KIAA1217: variants seen among roughly 807,000 people sequenced by gnomAD.
KIAA1217 encodes KIAA1217.
Under a neutral mutation model 163.9 loss-of-function variants are expected in KIAA1217, and 88 were observed. The ratio of observed to expected loss-of-function variants is 0.54; its 90% CI spans 0.45 to 0.64. The LOEUF (loss-of-function observed/expected upper bound fraction) is 0.64. Ranked by LOEUF, KIAA1217 falls within the 30% of genes least tolerant of loss-of-function variation. The pLI is 0.00. For synonymous variants in KIAA1217, 903 were observed against 923.1 expected, an observed-to-expected ratio of 0.98 and a Z score of 0.39; for missense variants, 2,372 against 2,475.0, an observed-to-expected ratio of 0.96 and a Z score of 0.88.
chr10:24,436,121 A>G (rs1000268792), intron 4 of KIAA1217, among the ~76,000 whole-genome samples: 30 of 152,208 alleles, frequency 2.0e-4, no homozygotes, highest in African/African-American at 7.0e-4. Flanking sequence ...TCGGCCTCCC[A>G]AAGTGCTGGG....
chr10:24,502,936 G>A (rs1185050032), intron 9 of KIAA1217, among the ~76,000 whole-genome samples: 3 of 152,244 alleles, frequency 2.0e-5, no homozygotes, highest in South Asian at 2.1e-4. Flanking sequence ...GCATGAGCCA[G>A]GATAGCACCA....
chr10:23,960,221 C>T (rs747528532), intron 1 of KIAA1217, among the ~76,000 whole-genome samples: 1 of 148,352 alleles, frequency 6.7e-6, no homozygotes, highest in Non-Finnish European at 1.5e-5. Flanking sequence ...GGCCAGAATT[C>T]TTTTATAGCT....
At chr10:24,175,991 G>C (rs1441730898) in intron 2 of KIAA1217, among the ~76,000 whole-genome samples, 2 of 152,178 alleles carry the variant, frequency 1.3e-5, no homozygotes, top group Non-Finnish European at 2.9e-5. Flanking sequence ...TCCACACTGT[G>C]GAAGGGGACC....
rs71397948 is a variant in KIAA1217 at position 24,415,110 on chromosome 10, CTTT to C, written c.554-17866_554-17864del. Among the ~76,000 whole-genome samples, 50 of 120,236 alleles carry C rather than the reference CTTT, an allele frequency of 4.2e-4. No homozygotes were observed. In the South Asian group the frequency reaches 9.0e-3, roughly 22 times the overall value. The allele number at this position is 120,236 out of a possible 152,430, so 78.9% of individuals were successfully genotyped here. A position where few individuals can be genotyped will look rare whatever the true frequency, so the allele number is the denominator to read the frequency against. ...AGCAGCATGGTAGCCTGATCTCTCT[CTTT>C]TTTTTTTTTTTTTTTTTTGAGATAG... On this transcript the variant is annotated intron_variant, in intron 3 of 20. Coordinates refer to ENST00000376454, the MANE Select transcript of KIAA1217 (RefSeq NM_019590.5).
At chr10:24,424,728 G>A (rs1169034262) in intron 3 of KIAA1217, among the ~76,000 whole-genome samples, 6 of 152,062 alleles carry the variant, frequency 3.9e-5, no homozygotes, top group Non-Finnish European at 5.9e-5. Context: ...TCAGCCTCCC[G>A]AGTAGCTGGG....
intron 2 of KIAA1217, among the ~76,000 whole-genome samples, chr10:24,049,602 C>T (rs902153114): frequency 1.3e-5 from 2 of 152,094 alleles, no homozygotes; most frequent in Admixed American, 6.5e-5. Flanking sequence ...ATGATGGTTT[C>T]CAGCTTCATC....
intron 2 of KIAA1217, among the ~76,000 whole-genome samples, chr10:24,107,551 T>C (rs1355793225): frequency 6.6e-6 from 1 of 152,248 alleles, no homozygotes; most frequent in Non-Finnish European, 1.5e-5. Context: ...CATCTGTTAC[T>C]TTTTGACTTT....
At chr10:23,778,503 C>T (rs1835105803) in intron 1 of KIAA1217, among the ~76,000 whole-genome samples, 2 of 152,152 alleles carry the variant, frequency 1.3e-5, no homozygotes, top group Non-Finnish European at 2.9e-5. Context: ...AGGGGAAAGA[C>T]ATCAGGTAGC....
chr10:24,169,421 A>G (rs1589754769), intron 2 of KIAA1217, among the ~76,000 whole-genome samples: 2 of 131,570 alleles, frequency 1.5e-5, no homozygotes, highest in East Asian at 4.4e-4. Context: ...AGTCTCTAGC[A>G]TATATTCTGC....
intron 1 of KIAA1217, among the ~76,000 whole-genome samples, chr10:23,871,706 C>A (rs1183754747): frequency 6.6e-6 from 1 of 152,064 alleles, no homozygotes; most frequent in Non-Finnish European, 1.5e-5. Flanking sequence ...TTGAACGAAA[C>A]ATTGATTCCC....
At chr10:24,472,666 A>G (rs73604484) in intron 5 of KIAA1217, among the ~76,000 whole-genome samples, 1,710 of 152,284 alleles carry the variant, frequency 0.011, 29 homozygotes, top group African/African-American at 0.039. Context: ...AGGTGTATTC[A>G]TTTCTTGTGG....
intron 2 of KIAA1217, among the ~76,000 whole-genome samples, chr10:24,368,116 A>C (rs1003808590): frequency 6.6e-6 from 1 of 152,238 alleles, no homozygotes; most frequent in African/African-American, 2.4e-5. Context: ...TTTTCATGTC[A>C]CACATCATCC....
Position 24,438,035 on chromosome 10 carries a change from T to C in KIAA1217, c.753-351T>C, listed in dbSNP as rs534081268. Among the ~76,000 whole-genome samples, 105 of 151,778 alleles carry C rather than the reference T, an allele frequency of 6.9e-4. 1 individual carries two copies. Among genetic ancestry groups the C allele is most frequent in the African/African-American group, 2.4e-3 (100 of 41,396 alleles). On this transcript the variant is annotated intron_variant, in intron 4 of 20. Coordinates refer to ENST00000376454, the MANE Select transcript of KIAA1217 (RefSeq NM_019590.5). ...TAAATATCAACCAAATCTCTTTGAATGTATTGTAAATATTGGAACTTTATT... is the reference window on the plus strand; with the variant it reads ...TAAATATCAACCAAATCTCTTTGAACGTATTGTAAATATTGGAACTTTATT...
chr10:24,157,109 T>C (rs1337434743), intron 2 of KIAA1217, among the ~76,000 whole-genome samples: 1 of 152,228 alleles, frequency 6.6e-6, no homozygotes, highest in Admixed American at 6.5e-5. Context: ...AAAGTGCTTG[T>C]CCATTTCACA....
At chr10:24,384,381 G>A (rs78088614) in intron 3 of KIAA1217, among the ~76,000 whole-genome samples, 7,050 of 152,036 alleles carry the variant, frequency 0.046, 418 homozygotes, top group African/African-American at 0.13. Flanking sequence ...TGGCCTCCAC[G>A]CATGAACAGC....
At chr10:24,177,978 G>T (rs2065989761) in intron 2 of KIAA1217, among the ~76,000 whole-genome samples, 1 of 152,158 alleles carries the variant, frequency 6.6e-6, no homozygotes, top group Non-Finnish European at 1.5e-5. Flanking sequence ...CAGGTCTGGT[G>T]CTTTTCCTAA....
At chr10:24,374,356 T>G (rs936597323) in intron 2 of KIAA1217, among the ~76,000 whole-genome samples, 1 of 152,172 alleles carries the variant, frequency 6.6e-6, no homozygotes, top group Non-Finnish European at 1.5e-5. Flanking sequence ...CACAAACTGC[T>G]CACATCCAGC....
At chr10:23,857,542 C>G (rs1839749412) in intron 1 of KIAA1217, among the ~76,000 whole-genome samples, 1 of 152,148 alleles carries the variant, frequency 6.6e-6, no homozygotes, top group African/African-American at 2.4e-5. Flanking sequence ...AAGCCTGTCT[C>G]TATATCACAA....
chr10:24,111,550 G>GT (rs987500818), intron 2 of KIAA1217, among the ~76,000 whole-genome samples: 1 of 152,138 alleles, frequency 6.6e-6, no homozygotes, highest in East Asian at 1.9e-4. Context: ...AGCTTAAAAT[G>GT]TTTTTTGATT....
Sources: gnomAD v4.1 joint callset for allele counts (sites outside exome capture counted in the v4.1 genomes callset) on GRCh38, gnomAD v4.1.1 for gene constraint, MANE v1.5 for transcripts, NCBI Gene and HGNC (gene_info 2026-07-23, HGNC 2026-07-21) for gene names.